RADIL: variants seen among roughly 807,000 people sequenced by gnomAD.
RADIL encodes Rap associating with DIL domain.
RADIL carries 99 observed loss-of-function variants against 97.6 expected under a neutral mutation model. The observed-to-expected ratio is 1.01, with a 90% CI of 0.86 to 1.20. The LOEUF (loss-of-function observed/expected upper bound fraction) is 1.20. Ranked by LOEUF, RADIL falls within the 50% of genes most tolerant of loss-of-function variation. The pLI is 0.00. For synonymous variants in RADIL, 803 were observed against 691.8 expected (o/e 1.16, Z -2.52); for missense variants, 1,765 against 1,498.9 (o/e 1.18, Z -2.93).
chr7:4,871,389 G>A (rs1004518739), intron 2 of RADIL, among the ~76,000 whole-genome samples: 10 of 152,346 alleles, frequency 6.6e-5, no homozygotes, highest in African/African-American at 2.2e-4. Flanking sequence ...GGAAGGCAGC[G>A]GCGCTTCCCG....
rs202168127 is a variant in RADIL, at chr7:4,834,986, G to C, written c.1037C>G (p.Ser346Cys). ...TVVLHHGDLL[S>C]LGLYYLLLFK... ...TAGCAGCAGGTAGTAGAGCCCCAGG[G>C]AGAGCAGGTCCCCGTGGTGCAGCAC... The change falls in exon 4 of 15, where the codon TCC (serine) becomes TGC (cysteine). Residue 346 changes from serine (S) to cysteine (C), a missense_variant. By Grantham distance (112) the Ser-to-Cys change is moderately radical. Transcript: ENST00000399583. This position sits in a 1 kb window ranked among gnomAD's most constrained non-coding sequence, Gnocchi z 6.0. 10 of 1,611,280 alleles carry C rather than the reference G, an allele frequency of 6.2e-6. No homozygotes were observed. In the Admixed American group the frequency reaches 1.2e-4, roughly 19 times the overall value.
intron 2 of RADIL, among the ~76,000 whole-genome samples, chr7:4,856,613 T>C (rs1219145763): frequency 1.3e-5 from 2 of 152,224 alleles, no homozygotes; most frequent in Non-Finnish European, 2.9e-5. Flanking sequence ...CTTTTTTGTG[T>C]CTTCTTTATG....
At chr7:4,809,537 A>G (rs1782475456) in intron 9 of RADIL, 1 of 985,264 alleles carries the variant, frequency 1.0e-6, no homozygotes, top group Admixed American at 6.1e-5. Flanking sequence ...GCTGCTCGGG[A>G]GCCCCCAGGC....
chr7:4,807,230 G>A (rs1242854447), intron 9 of RADIL, among the ~76,000 whole-genome samples: 1 of 151,952 alleles, frequency 6.6e-6, no homozygotes, highest in East Asian at 1.9e-4. Context: ...AAGGATAATC[G>A]GTGTCTCGGG....
At chr7:4,823,601 C>G (rs139549784) in intron 5 of RADIL, among the ~76,000 whole-genome samples, 2 of 152,184 alleles carry the variant, frequency 1.3e-5, no homozygotes, top group Admixed American at 6.5e-5. Flanking sequence ...TGCTGCCTTC[C>G]GGCTCAGTGC....
intron 2 of RADIL, among the ~76,000 whole-genome samples, chr7:4,868,521 G>A (rs542232352): frequency 4.6e-5 from 7 of 152,230 alleles, no homozygotes; most frequent in African/African-American, 7.2e-5. Flanking sequence ...GGGTGGCAAC[G>A]GCATCAGTGA....
At chr7:4,829,841 C>T (rs758082647) in intron 5 of RADIL, among the ~76,000 whole-genome samples, 7 of 148,942 alleles carry the variant, frequency 4.7e-5, no homozygotes, top group Non-Finnish European at 7.5e-5. Context: ...TCCCCAGTCA[C>T]GTGGAACTGT....
At chr7:4,839,572 T>C (rs140057364) in intron 2 of RADIL, among the ~76,000 whole-genome samples, 325 of 152,266 alleles carry the variant, frequency 2.1e-3, no homozygotes, top group African/African-American at 7.6e-3. Context: ...TGTAACAGAA[T>C]ATATGTTATA....
intron 9 of RADIL, chr7:4,809,208 C>G (rs1782462237): frequency 1.0e-6 from 1 of 985,314 alleles, no homozygotes; most frequent in African/African-American, 1.7e-5. Flanking sequence ...TCACTGCCGA[C>G]TCGGGCCTGC....
rs199947712 is a variant in RADIL, at chr7:4,849,138, CAAAAA to C, written c.536-12538_536-12534del. On this transcript the variant is annotated intron_variant, in intron 2 of 14. Coordinates refer to ENST00000399583, the MANE Select transcript of RADIL (RefSeq NM_018059.5). The surrounding 1 kb of genome is among the most constrained non-coding windows in gnomAD (Gnocchi z 5.4). ...GGGCAACAAGAGGGAAATTCTGTCT[CAAAAA>C]AAAAAAAAAAAAGGGAATTAAAAGC... is the stretch of plus-strand genomic sequence containing the variant. Among the ~76,000 whole-genome samples, 3 of 120,600 alleles carry C rather than the reference CAAAAA, an allele frequency of 2.5e-5. No homozygotes were observed. Among genetic ancestry groups the C allele is most frequent in the African/African-American group, 2.8e-5 (1 of 35,700 alleles). The allele number at this position is 120,600 out of a possible 152,430, so 79.1% of individuals were successfully genotyped here.
chr7:4,805,718 T>G lies in RADIL; in HGVS notation c.2140-2A>C, dbSNP rs748670203. The G allele has an allele frequency of 6.2e-7, 1 of 1,605,362 alleles. No homozygotes were observed. The highest frequency in any genetic ancestry group is 1.1e-5 in the South Asian group (1 of 90,936). Reference sequence around the variant, plus strand: ...AGCCCGCAGGGCTGTCCAGCTCATCTGGGTGACAAGAAGGAGCTCATGGTC... The same window carrying G: ...AGCCCGCAGGGCTGTCCAGCTCATCGGGGTGACAAGAAGGAGCTCATGGTC... On this transcript the variant is annotated splice_acceptor_variant, in intron 9 of 14. Coordinates refer to ENST00000399583, the MANE Select transcript of RADIL (RefSeq NM_018059.5). LOFTEE classifies it high-confidence loss of function.
At chr7:4,805,861 G>T in intron 9 of RADIL, 145 bp from the exon 10 acceptor site, 1 of 1,392,964 alleles carries the variant, frequency 7.2e-7, no homozygotes, top group Non-Finnish European at 9.3e-7. Context: ...CTGTGAGGGG[G>T]ACGGTGTCAC....
chr7:4,844,526 G>A (rs117838787), intron 2 of RADIL, among the ~76,000 whole-genome samples: 1 of 152,192 alleles, frequency 6.6e-6, no homozygotes, highest in African/African-American at 2.4e-5. Context: ...AAATGCAAAA[G>A]AATCTATGGA....
At chr7:4,871,243 T>G (rs1267615693) in intron 2 of RADIL, among the ~76,000 whole-genome samples, 1 of 152,198 alleles carries the variant, frequency 6.6e-6, no homozygotes, top group Admixed American at 6.5e-5. Flanking sequence ...AAAGCAATCC[T>G]TTCACCTCCA....
chr7:4,807,669 C>T (rs1294618049), intron 9 of RADIL, among the ~76,000 whole-genome samples: 2 of 97,322 alleles, frequency 2.1e-5, no homozygotes, highest in Admixed American at 2.0e-4. Flanking sequence ...GTCTCCCCTC[C>T]CTCCTCCCTC....
At chr7:4,806,812 C>T (rs1341823702) in intron 9 of RADIL, among the ~76,000 whole-genome samples, 2 of 152,216 alleles carry the variant, frequency 1.3e-5, no homozygotes, top group Admixed American at 6.5e-5. Flanking sequence ...GGGAGGGCGT[C>T]ACCCTTCGGA....
In RADIL at chr7:4,879,809, T is replaced by C. The variant is rs1328168729; in HGVS notation, c.-64-1606A>G. On this transcript the variant is annotated intron_variant, in intron 1 of 14. Coordinates refer to ENST00000399583, the MANE Select transcript of RADIL (RefSeq NM_018059.5). This position sits in a 1 kb window ranked among gnomAD's most constrained non-coding sequence, Gnocchi z 4.1. ...AAAGCTGACACTGCGAACTGGCCTC[T>C]TTCTAATATCACCGGGGCGTGGGTC... Among the ~76,000 whole-genome samples the C allele has an allele frequency of 1.3e-5, 2 of 152,188 alleles. No individual in the cohort carries two copies. Among genetic ancestry groups the C allele is most frequent in the African/African-American group, 2.4e-5 (1 of 41,456 alleles).
intron 5 of RADIL, among the ~76,000 whole-genome samples, chr7:4,823,156 G>A (rs1176041459): frequency 6.6e-6 from 1 of 152,070 alleles, no homozygotes; most frequent in African/African-American, 2.4e-5. Flanking sequence ...AGAGGCAATC[G>A]TTAGAAACCC....
intron 9 of RADIL, 137 bp from the exon 10 acceptor site, chr7:4,805,853 G>GGTGTTT: frequency 7.1e-7 from 1 of 1,401,106 alleles, no homozygotes. Context: ...GGGGCCATCT[G>GGTGTTT]TGAGGGGGAC....
Sources: gnomAD v4.1 joint callset for allele counts (sites outside exome capture counted in the v4.1 genomes callset) on GRCh38, gnomAD v4.1.1 for gene constraint, Gnocchi (gnomAD v3.1) non-coding constraint, MANE v1.5 for transcripts, NCBI Gene and HGNC (gene_info 2026-07-23, HGNC 2026-07-21) for gene names.